Variants in CFAP54 observed in about 807,000 individuals in gnomAD.
CFAP54 encodes cilia and flagella associated protein 54.
A neutral mutation model predicts 370.4 loss-of-function variants in CFAP54; 290 were observed. The ratio of observed to expected loss-of-function variants is 0.78; its 90% CI spans 0.71 to 0.86. The LOEUF is 0.86. Among genes scored for constraint, CFAP54 ranks in the 40% least tolerant of loss-of-function variants. The probability of loss-of-function intolerance (pLI) is 0.00; values close to 1 mark genes in which losing one functional copy is unlikely to be tolerated. For synonymous variants in CFAP54, 1,206 were observed against 1,236.5 expected (o/e 0.98, Z 0.52); for missense variants, 3,399 against 3,528.7 (o/e 0.96, Z 0.93).
chr12:96,557,261 G>A (rs1056361298), intron 17 of CFAP54, among the ~76,000 whole-genome samples: 5 of 151,988 alleles, frequency 3.3e-5, no homozygotes, highest in African/African-American at 9.7e-5. Context: ...ATTTACTAAC[G>A]ATTAGCATGA....
At chr12:96,641,939 G>T (rs1037833324) in intron 32 of CFAP54, among the ~76,000 whole-genome samples, 26 of 143,786 alleles carry the variant, frequency 1.8e-4, no homozygotes, top group East Asian at 7.4e-4. Context: ...GGGGTGGTGC[G>T]GGGGGGGAGG....
intron 60 of CFAP54, among the ~76,000 whole-genome samples, chr12:96,781,261 A>C (rs1357349971): frequency 1.3e-5 from 2 of 152,176 alleles, no homozygotes; most frequent in Non-Finnish European, 2.9e-5. Context: ...CAAGGAAGAA[A>C]AGACATTCAG....
At chr12:96,674,786 C>T (rs1957185969) in intron 39 of CFAP54, among the ~76,000 whole-genome samples, 2 of 152,148 alleles carry the variant, frequency 1.3e-5, no homozygotes, top group African/African-American at 4.8e-5. Flanking sequence ...GTTTTGTTCA[C>T]TTGTGTCTCC....
In CFAP54 at chr12:96,646,535, T is replaced by A. The variant is rs549018500; in HGVS notation, c.4548-1340T>A. ...TAAACTAGTTCAACCTTTGTGGAAG[T>A]CAGTGTGGCGATTCCTCAGGGATCT... On this transcript the variant is annotated intron_variant, in intron 33 of 67. Coordinates refer to ENST00000524981, the MANE Select transcript of CFAP54 (RefSeq NM_001306084.2). The A allele has an allele frequency of 2.6e-5, 4 of 152,318 alleles. No homozygotes were observed. The South Asian group carries it at 6.2e-4, about 24-fold the overall frequency. 9.4% of individuals were successfully genotyped at this position (152,318 alleles called of 1,614,324 possible).
At chr12:96,727,237 C>A (rs1957852945) in intron 50 of CFAP54, among the ~76,000 whole-genome samples, 1 of 152,030 alleles carries the variant, frequency 6.6e-6, no homozygotes, top group South Asian at 2.1e-4. Context: ...TCTTTGTTAA[C>A]TTTCTGTCTC....
intron 20 of CFAP54, among the ~76,000 whole-genome samples, chr12:96,579,099 C>A (rs1388129906): frequency 6.6e-6 from 1 of 152,068 alleles, no homozygotes; most frequent in African/African-American, 2.4e-5. Flanking sequence ...CATAGTCTTT[C>A]TGCCTTTTTT....
At chr12:96,818,292 A>G (rs1958998123) in intron 65 of CFAP54, among the ~76,000 whole-genome samples, 1 of 152,260 alleles carries the variant, frequency 6.6e-6, no homozygotes, top group Non-Finnish European at 1.5e-5. Context: ...GAAAATATAG[A>G]TAAGCATATT....
intron 28 of CFAP54, among the ~76,000 whole-genome samples, chr12:96,625,273 C>T (rs943136702): frequency 2.0e-5 from 3 of 152,096 alleles, no homozygotes; most frequent in Non-Finnish European, 2.9e-5. Flanking sequence ...AAATAACTTT[C>T]CAAGGTTTCA....
chr12:96,545,058 T>C (rs7306974), intron 14 of CFAP54, among the ~76,000 whole-genome samples: 43,583 of 151,972 alleles, frequency 0.29, 7,204 homozygotes, highest in East Asian at 0.56. Flanking sequence ...ATTACAGGCA[T>C]GAGCCACCAC....
chr12:96,552,123 G>A (rs1050003084), intron 15 of CFAP54, among the ~76,000 whole-genome samples: 2 of 151,598 alleles, frequency 1.3e-5, no homozygotes, highest in South Asian at 2.1e-4. Context: ...GCGCATGCCT[G>A]TTATTCCAGC....
chr12:96,518,904 C>T, intron 5 of CFAP54, 24 bp from the exon 6 acceptor site: 3 of 1,503,002 alleles, frequency 2.0e-6, no homozygotes, highest in Non-Finnish European at 1.8e-6. Flanking sequence ...GAAAACAAAT[C>T]CAATGGTGCC....
chr12:96,664,725 C>CTA (rs199537312), intron 39 of CFAP54, among the ~76,000 whole-genome samples: 8,635 of 71,480 alleles, frequency 0.12, 861 homozygotes, highest in South Asian at 0.32. Flanking sequence ...CTATATATAT[C>CTA]TATATATATA....
intron 55 of CFAP54, 112 bp downstream of exon 55, chr12:96,744,258 T>C: frequency 1.1e-6 from 1 of 908,476 alleles, no homozygotes; most frequent in Non-Finnish European, 1.6e-6. Context: ...TTATGAATAC[T>C]CAGGCTCCAT....
rs767295835 is a variant in CFAP54 at position 96,744,169 on chromosome 12, T to C, written c.7684+23T>C. On this transcript the variant is annotated intron_variant, in intron 55 of 67. Transcript: ENST00000524981. ...TTGGTAAGAACATTTAAACTTATATTGCCCTAGAATAACTGATAAAACTTT... is the reference window on the plus strand; with the variant it reads ...TTGGTAAGAACATTTAAACTTATATCGCCCTAGAATAACTGATAAAACTTT... 5 of 1,573,592 alleles carry C rather than the reference T, an allele frequency of 3.2e-6. No individual in the cohort carries two copies. In the Admixed American group the frequency reaches 9.3e-5, roughly 29 times the overall value.
intron 63 of CFAP54, among the ~76,000 whole-genome samples, chr12:96,807,859 C>G (rs1289241252): frequency 2.0e-5 from 3 of 152,108 alleles, no homozygotes; most frequent in African/African-American, 7.2e-5. Flanking sequence ...TATTATTGCT[C>G]TAAGCACTTC....
chr12:96,633,608 C>T (rs1029268136), intron 32 of CFAP54, among the ~76,000 whole-genome samples: 5 of 152,142 alleles, frequency 3.3e-5, no homozygotes, highest in Middle Eastern at 3.2e-3. Context: ...TGTGTATCCA[C>T]GAGTTCACTT....
chr12:96,846,350 A>C (rs1959345109), intron 66 of CFAP54, among the ~76,000 whole-genome samples: 1 of 152,126 alleles, frequency 6.6e-6, no homozygotes, highest in Admixed American at 6.5e-5. Context: ...TGTGCAGGTT[A>C]TTGTAGAGTT....
At chr12:96,693,004 C>T (rs761033240) in intron 44 of CFAP54, among the ~76,000 whole-genome samples, 4 of 152,114 alleles carry the variant, frequency 2.6e-5, no homozygotes, top group African/African-American at 7.2e-5. Context: ...CTGGATGGAT[C>T]GTGGTTGGGC....
chr12:96,558,842 C>A (rs907665455), intron 17 of CFAP54, among the ~76,000 whole-genome samples: 2 of 152,094 alleles, frequency 1.3e-5, no homozygotes, highest in Admixed American at 1.3e-4. Context: ...AGCAATACCC[C>A]TTAAGAACAG....
Sources: gnomAD v4.1 joint callset for allele counts (sites outside exome capture counted in the v4.1 genomes callset) on GRCh38, gnomAD v4.1.1 for gene constraint, MANE v1.5 for transcripts, NCBI Gene and HGNC (gene_info 2026-07-23, HGNC 2026-07-21) for gene names.